Variants in HSDL2 observed in about 807,000 individuals in gnomAD.
HSDL2 encodes the protein hydroxysteroid dehydrogenase like 2, also known as hydroxysteroid dehydrogenase-like protein 2.
HSDL2 carries 27 observed loss-of-function variants against 46.3 expected under a neutral mutation model. The ratio of observed to expected loss-of-function variants is 0.58; its 90% confidence interval spans 0.43 to 0.80. The LOEUF (loss-of-function observed/expected upper bound fraction) is 0.80, where lower values mean the gene tolerates loss of function less well. Ranked by LOEUF, HSDL2 falls within the 30% of genes least tolerant of loss-of-function variation. HSDL2 has a pLI of 0.00. For synonymous variants in HSDL2, 153 were observed against 163.6 expected (o/e 0.94, Z 0.50); for missense variants, 451 against 502.7 (o/e 0.90, Z 0.98).
chr9:112,380,368 G>T (rs1831055944), intron 1 of HSDL2, among the ~76,000 whole-genome samples, 188 bp downstream of exon 1: 1 of 152,070 alleles, frequency 6.6e-6, no homozygotes, highest in African/African-American at 2.4e-5. Context: ...GTGTGAAAAG[G>T]AACACAAACT....
rs542639521 is a variant in HSDL2, at chr9:112,421,724, T to C, written c.598+2766T>C. Among the ~76,000 whole-genome samples the C allele has an allele frequency of 2.0e-3, 302 of 152,342 alleles. 1 individual carries two copies. Among genetic ancestry groups the C allele is most frequent in the South Asian group, 0.018 (89 of 4,830 alleles). On this transcript the variant is annotated intron_variant, in intron 6 of 10. Transcript: ENST00000398805. ...CTTATTACATTTTTGAAAACATTTC[T>C]ACTGATGGCAAATTGGAATCTTTTT...
intron 6 of HSDL2, among the ~76,000 whole-genome samples, chr9:112,428,881 C>T (rs1490070818): frequency 6.6e-6 from 1 of 151,982 alleles, no homozygotes; most frequent in Non-Finnish European, 1.5e-5. Context: ...CTCTTTGTAC[C>T]TCCCTTATGT....
chr9:112,382,241 C>T (rs1373869545), intron 1 of HSDL2, among the ~76,000 whole-genome samples: 3 of 152,066 alleles, frequency 2.0e-5, no homozygotes, highest in Non-Finnish European at 2.9e-5. Context: ...CTCCACCCTG[C>T]GAGAGAGAGT....
At chr9:112,462,163 T>C (rs547760673) in intron 10 of HSDL2, among the ~76,000 whole-genome samples, 4 of 152,238 alleles carry the variant, frequency 2.6e-5, no homozygotes, top group African/African-American at 7.2e-5. Flanking sequence ...AGTGGATACA[T>C]TATAAATACA....
At chr9:112,395,716 A>T (rs1831439920) in intron 1 of HSDL2, among the ~76,000 whole-genome samples, 1 of 152,274 alleles carries the variant, frequency 6.6e-6, no homozygotes, top group Admixed American at 6.5e-5. Context: ...GACGGCTCCC[A>T]TAGGTTTAAT....
At chr9:112,398,479 T>C (rs1244213388) in intron 1 of HSDL2, among the ~76,000 whole-genome samples, 1 of 151,702 alleles carries the variant, frequency 6.6e-6, no homozygotes, top group Non-Finnish European at 1.5e-5. Flanking sequence ...ATAAGATCAT[T>C]GGGGGTGACG....
chr9:112,400,481 C>T (rs1307857933), intron 1 of HSDL2, among the ~76,000 whole-genome samples: 2 of 152,212 alleles, frequency 1.3e-5, no homozygotes, highest in Admixed American at 6.5e-5. Context: ...GTGGCGCATG[C>T]CTGTAGTCCC....
chr9:112,436,353 A>G (rs565394666), intron 6 of HSDL2, among the ~76,000 whole-genome samples: 1 of 152,110 alleles, frequency 6.6e-6, no homozygotes, highest in African/African-American at 2.4e-5. Flanking sequence ...AATTAATTGA[A>G]CATTAAACAA....
chr9:112,409,719 A>C (rs1407519639), intron 4 of HSDL2, among the ~76,000 whole-genome samples: 7 of 152,026 alleles, frequency 4.6e-5, no homozygotes, highest in African/African-American at 1.7e-4. Flanking sequence ...TGTGCTACTG[A>C]GACTGTGGTG....
At chr9:112,402,822 G>T (rs1298250790) in intron 1 of HSDL2, among the ~76,000 whole-genome samples, 2 of 152,146 alleles carry the variant, frequency 1.3e-5, no homozygotes, top group African/African-American at 4.8e-5. Flanking sequence ...TTGGGAGGCT[G>T]AAGCAGGAGA....
At chr9:112,381,454 C>T (rs1486677846) in intron 1 of HSDL2, among the ~76,000 whole-genome samples, 2 of 152,098 alleles carry the variant, frequency 1.3e-5, no homozygotes, top group African/African-American at 2.4e-5. Flanking sequence ...CTCCGCCTCC[C>T]GCAATTCTCC....
chr9:112,419,157 C>T (rs1176269673), intron 6 of HSDL2, among the ~76,000 whole-genome samples, 199 bp downstream of exon 6: 4 of 114,344 alleles, frequency 3.5e-5, no homozygotes, highest in Admixed American at 9.8e-5. Context: ...TATAGGTGCA[C>T]ACCACCATGC....
At chr9:112,457,662 G>C (rs1269077062) in intron 9 of HSDL2, among the ~76,000 whole-genome samples, 1 of 152,038 alleles carries the variant, frequency 6.6e-6, no homozygotes, top group South Asian at 2.1e-4. Context: ...TAAAAATCAA[G>C]CAATCTGCTG....
At chr9:112,400,432 C>G (rs1256542390) in intron 1 of HSDL2, among the ~76,000 whole-genome samples, 3 of 152,210 alleles carry the variant, frequency 2.0e-5, no homozygotes, top group African/African-American at 7.2e-5. Flanking sequence ...CATGGTGAAA[C>G]CCCATCTCTA....
At chr9:112,426,908 A>G (rs1001144229) in intron 6 of HSDL2, among the ~76,000 whole-genome samples, 5 of 152,206 alleles carry the variant, frequency 3.3e-5, no homozygotes, top group African/African-American at 1.2e-4. Context: ...GTATACAAGT[A>G]GGGAGAGTAG....
chr9:112,468,324 TCTGA>T (rs1833453964), intron 10 of HSDL2, among the ~76,000 whole-genome samples: 1 of 152,224 alleles, frequency 6.6e-6, no homozygotes, highest in Non-Finnish European at 1.5e-5. Context: ...TTTTCTCTCT[TCTGA>T]CTTTCTGGAG....
intron 6 of HSDL2, among the ~76,000 whole-genome samples, chr9:112,426,412 T>C (rs1302823157): frequency 6.6e-6 from 1 of 152,114 alleles, no homozygotes; most frequent in Non-Finnish European, 1.5e-5. Context: ...ATTTTTGTAT[T>C]TTTAGTAGAG....
chr9:112,422,185 G>A (rs1028255259), intron 6 of HSDL2, among the ~76,000 whole-genome samples: 1 of 151,970 alleles, frequency 6.6e-6, no homozygotes, highest in Non-Finnish European at 1.5e-5. Context: ...AAACTATCCC[G>A]GGCGACAGAG....
chr9:112,392,728 G>A (rs2132602634), intron 1 of HSDL2, among the ~76,000 whole-genome samples: 1 of 152,220 alleles, frequency 6.6e-6, no homozygotes, highest in Middle Eastern at 3.4e-3. Context: ...CTTTTTCAAG[G>A]TGTGCTGATT....
Sources: allele counts gnomAD v4.1 joint callset (sites outside exome capture counted in the v4.1 genomes callset), GRCh38; gene constraint gnomAD v4.1.1; transcripts MANE v1.5; gene names NCBI Gene and HGNC (gene_info 2026-07-23, HGNC 2026-07-21).